The following MED15 variants were observed in gnomAD, a reference collection of about 807,000 sequenced individuals.
MED15 encodes mediator complex subunit 15.
A neutral mutation model predicts 118.7 loss-of-function variants in MED15; 41 were observed. The ratio of observed to expected loss-of-function variants is 0.35; its 90% confidence interval spans 0.27 to 0.45. The LOEUF (loss-of-function observed/expected upper bound fraction) is 0.45, where lower values mean the gene tolerates loss of function less well. MED15 is among the 20% of genes least tolerant of loss of function. The pLI is 1.00. For missense variants in MED15, 740 were observed against 1,025.5 expected, an observed-to-expected ratio of 0.72 and a Z score of 3.80; for synonymous variants, 436 against 413.9, an observed-to-expected ratio of 1.05 and a Z score of -0.65.
At chr22:20,556,845 T>C (rs1321805308) in intron 5 of MED15, among the ~76,000 whole-genome samples, 2 of 152,222 alleles carry the variant, frequency 1.3e-5, no homozygotes, top group Non-Finnish European at 2.9e-5. Context: ...GAATGTTGTA[T>C]AAATGGAATC....
intron 4 of MED15, 37 bp downstream of exon 4, chr22:20,553,211 A>G (rs755121883): frequency 3.1e-6 from 5 of 1,601,468 alleles, no homozygotes; most frequent in South Asian, 1.1e-5. Flanking sequence ...GTTTCTCCCA[A>G]CTTTGGATTT....
At chr22:20,509,170 G>A (rs1335562485) in intron 1 of MED15, among the ~76,000 whole-genome samples, 1 of 152,090 alleles carries the variant, frequency 6.6e-6, no homozygotes, top group South Asian at 2.1e-4. Context: ...GAGAGCCCAG[G>A]AGATGATGGA....
chr22:20,554,904 T>C lies in MED15; in HGVS notation c.239-32T>C, dbSNP rs1186742826. 4 of 1,568,028 alleles carry C rather than the reference T, an allele frequency of 2.6e-6. No homozygotes were observed. The Admixed American group carries it at 6.9e-5, about 27-fold the overall frequency. On this transcript the variant is annotated intron_variant, in intron 4 of 17. Coordinates refer to ENST00000263205, the MANE Select transcript of MED15 (RefSeq NM_001003891.3). ...GCCATGGTCAGTCTGGTAGGCCCTT[T>C]CCTGAGAAGCTCTGCCCTTGTGTTC...
At chr22:20,543,137 G>C (rs868478429) in intron 2 of MED15, among the ~76,000 whole-genome samples, 2 of 37,460 alleles carry the variant, frequency 5.3e-5, no homozygotes, top group Admixed American at 7.0e-4. Flanking sequence ...GTGTGTGTGT[G>C]TGTGTGTGTG....
At chr22:20,523,581 C>G (rs2054534086) in intron 1 of MED15, 2 of 898,230 alleles carry the variant, frequency 2.2e-6, no homozygotes, top group Non-Finnish European at 2.7e-6. Flanking sequence ...CTTCCCCACC[C>G]CCACCAAATA....
intron 2 of MED15, among the ~76,000 whole-genome samples, chr22:20,541,350 GA>G (rs1436692120): frequency 6.6e-6 from 1 of 152,172 alleles, no homozygotes; most frequent in East Asian, 1.9e-4. Flanking sequence ...ACAACCATGT[GA>G]AAAGATGCTC....
chr22:20,561,606 T>C (rs1336744476), intron 5 of MED15, among the ~76,000 whole-genome samples: 1 of 152,092 alleles, frequency 6.6e-6, no homozygotes, highest in Non-Finnish European at 1.5e-5. Context: ...TGGACTAAAC[T>C]TTTCTGCTGA....
chr22:20,561,624 G>A (rs1274621238), intron 5 of MED15, among the ~76,000 whole-genome samples: 1 of 152,172 alleles, frequency 6.6e-6, no homozygotes, highest in African/African-American at 2.4e-5. Flanking sequence ...TGAAAGATAG[G>A]AAATGTGAGA....
intron 1 of MED15, among the ~76,000 whole-genome samples, chr22:20,534,800 C>T (rs1381440095): frequency 3.9e-5 from 6 of 152,192 alleles, no homozygotes; most frequent in Admixed American, 6.5e-5. Context: ...CAGTGCCGCG[C>T]GTGAGTTGGT....
intron 8 of MED15, among the ~76,000 whole-genome samples, chr22:20,571,673 C>T (rs2056666166): frequency 6.6e-6 from 1 of 152,248 alleles, no homozygotes; most frequent in Non-Finnish European, 1.5e-5. Flanking sequence ...ATAGCAGCGC[C>T]CCCTGCTGGG....
chr22:20,537,068 G>A (rs377582136), intron 1 of MED15, 49 bp from the exon 2 acceptor site: 286 of 1,557,552 alleles, frequency 1.8e-4, no homozygotes, highest in Non-Finnish European at 2.4e-4. Context: ...GCCCTGCAGC[G>A]GTGGAGTCAC....
At chr22:20,529,999 C>T (rs570178954) in intron 1 of MED15, among the ~76,000 whole-genome samples, 1 of 152,358 alleles carries the variant, frequency 6.6e-6, no homozygotes, top group African/African-American at 2.4e-5. Flanking sequence ...GCTGGGATTA[C>T]AGGCGTGAAC....
At chr22:20,567,676 G>A (rs1396323662) in intron 7 of MED15, among the ~76,000 whole-genome samples, 1 of 151,944 alleles carries the variant, frequency 6.6e-6, no homozygotes, top group East Asian at 1.9e-4. Context: ...TGCCCTAGTG[G>A]CTTGGAGATG....
chr22:20,523,723 G>A (rs2054538933), intron 1 of MED15: 1 of 985,444 alleles, frequency 1.0e-6, no homozygotes, highest in Non-Finnish European at 1.2e-6. Flanking sequence ...CAGAGATCTC[G>A]AGGCCTTTCC....
rs1291318223 is a variant in MED15 at position 20,587,556 on chromosome 22, T to C, written c.*852T>C. 8.3e-6 allele frequency: 3 copies of C among 363,408 alleles called. No homozygotes were observed. The Admixed American group carries it at 1.2e-4, about 15-fold the overall frequency. The allele number at this position is 363,408 out of a possible 1,614,324, so 22.5% of individuals were successfully genotyped here. ...GCCAGCACCCTCTGGTGAGAAGAGG[T>C]CCCCCCTTTTTATGTGCACTACCCC... On this transcript the variant is annotated 3_prime_UTR_variant, in exon 18 of 18. Coordinates refer to ENST00000263205, the MANE Select transcript of MED15 (RefSeq NM_001003891.3).
intron 1 of MED15, among the ~76,000 whole-genome samples, chr22:20,536,592 A>T (rs1033170459): frequency 1.3e-5 from 2 of 152,340 alleles, no homozygotes; most frequent in East Asian, 1.9e-4. Flanking sequence ...TTGATCCCAC[A>T]TATAGGACCT....
chr22:20,556,368 C>G (rs2056006848), intron 5 of MED15, among the ~76,000 whole-genome samples: 1 of 148,982 alleles, frequency 6.7e-6, no homozygotes, highest in Non-Finnish European at 1.5e-5. Flanking sequence ...GTGGTGTGAT[C>G]TCAGCTCACT....
At chr22:20,513,282 C>CT (rs361904) in intron 1 of MED15, among the ~76,000 whole-genome samples, 75 of 127,042 alleles carry the variant, frequency 5.9e-4, no homozygotes, top group African/African-American at 1.9e-3. Context: ...CTTTTTCTTT[C>CT]TTTTTTTTTT....
intron 1 of MED15, among the ~76,000 whole-genome samples, chr22:20,531,187 CTCAGTTTG>C (rs144537609): frequency 0.55 from 83,306 of 151,500 alleles, 23,225 homozygotes; most frequent in Admixed American, 0.69. Flanking sequence ...CCCTAGGAAG[CTCAGTTTG>C]CCAGTTTTTT....
Sources: allele counts gnomAD v4.1 joint callset (sites outside exome capture counted in the v4.1 genomes callset), GRCh38; gene constraint gnomAD v4.1.1; transcripts MANE v1.5; gene names NCBI Gene and HGNC (gene_info 2026-07-23, HGNC 2026-07-21).